Variants in TBC1D22A observed in about 807,000 individuals in gnomAD.
TBC1D22A encodes the protein putative GTPase activator.
In TBC1D22A, 38 loss-of-function variants were observed where a neutral mutation model predicts 60.2. That is an observed-to-expected ratio of 0.63 (90% CI 0.49 to 0.83). The LOEUF (loss-of-function observed/expected upper bound fraction) is 0.83. TBC1D22A is among the 40% of genes least tolerant of loss of function. TBC1D22A has a pLI of 0.00. For missense variants in TBC1D22A, 628 were observed against 701.0 expected, an observed-to-expected ratio of 0.90 and a Z score of 1.18; for synonymous variants, 302 against 281.7, an observed-to-expected ratio of 1.07 and a Z score of -0.72.
At chr22:47,102,510 A>G (rs1253284693) in intron 11 of TBC1D22A, among the ~76,000 whole-genome samples, 2 of 152,138 alleles carry the variant, frequency 1.3e-5, no homozygotes, top group Non-Finnish European at 2.9e-5. Context: ...TATTGTCTGG[A>G]TTATGCCTCA....
intron 8 of TBC1D22A, among the ~76,000 whole-genome samples, chr22:46,917,274 A>G (rs936375043): frequency 6.6e-6 from 1 of 152,142 alleles, no homozygotes; most frequent in African/African-American, 2.4e-5. Context: ...GGCATCTTAG[A>G]GTTTGTAACA....
intron 10 of TBC1D22A, among the ~76,000 whole-genome samples, chr22:47,026,867 A>AT (rs2062274808): frequency 1.3e-5 from 2 of 152,250 alleles, no homozygotes; most frequent in Non-Finnish European, 1.5e-5. Context: ...ATGCTTTTCT[A>AT]TAGAAATTGA....
At chr22:46,811,676 C>T (rs1295506502) in intron 4 of TBC1D22A, among the ~76,000 whole-genome samples, 9 of 152,168 alleles carry the variant, frequency 5.9e-5, no homozygotes, top group Non-Finnish European at 2.9e-5. Context: ...GGCTCAGGGT[C>T]GCCCAGCTAG....
At chr22:47,042,770 C>T (rs2062893554) in intron 11 of TBC1D22A, among the ~76,000 whole-genome samples, 1 of 152,272 alleles carries the variant, frequency 6.6e-6, no homozygotes, top group Admixed American at 6.5e-5. Context: ...TAGCTTTGAT[C>T]AAGAAGCAGC....
intron 11 of TBC1D22A, among the ~76,000 whole-genome samples, chr22:47,102,988 T>C (rs772338192): frequency 5.0e-4 from 76 of 152,250 alleles, no homozygotes; most frequent in Admixed American, 1.4e-3. Flanking sequence ...GGTTTTTGTT[T>C]GTTCAGGTCA....
intron 11 of TBC1D22A, among the ~76,000 whole-genome samples, chr22:47,097,095 C>T (rs1427695982): frequency 4.6e-5 from 7 of 152,014 alleles, no homozygotes; most frequent in African/African-American, 1.7e-4. Flanking sequence ...TGAGTATGGG[C>T]GTGGCCCCGT....
In TBC1D22A at chr22:46,772,100, T is replaced by C. The variant is rs9680568; in HGVS notation, c.62+9252T>C. Reference sequence around the variant, plus strand: ...ATATACATATATATGTATACACACATATACATATATATGTATACACACATA... The same window carrying C: ...ATATACATATATATGTATACACACACATACATATATATGTATACACACATA... On this transcript the variant is annotated intron_variant, in intron 1 of 12. Coordinates refer to ENST00000337137, the MANE Select transcript of TBC1D22A (RefSeq NM_014346.5). 6.0e-3 allele frequency among the ~76,000 whole-genome samples: 771 copies of C among 127,646 alleles called. 10 individuals are homozygous for C. The highest frequency in any genetic ancestry group is 0.023 in the African/African-American group (720 of 31,330). 83.7% of individuals were successfully genotyped at this position (127,646 alleles called of 152,430 possible). A position where few individuals can be genotyped will look rare whatever the true frequency, so the allele number is the denominator to read the frequency against.
chr22:47,051,759 T>C (rs2063227041), intron 11 of TBC1D22A, among the ~76,000 whole-genome samples: 1 of 152,172 alleles, frequency 6.6e-6, no homozygotes, highest in Admixed American at 6.5e-5. Flanking sequence ...CCCTCCCTCC[T>C]CCTTTCCTTC....
intron 11 of TBC1D22A, among the ~76,000 whole-genome samples, chr22:47,087,573 A>G (rs142346049): frequency 1.3e-5 from 2 of 152,336 alleles, no homozygotes; most frequent in Middle Eastern, 3.4e-3. Context: ...CAAACTTCAG[A>G]TTGTTGGTAA....
At chr22:46,959,817 C>T (rs545580208) in intron 8 of TBC1D22A, among the ~76,000 whole-genome samples, 1 of 152,202 alleles carries the variant, frequency 6.6e-6, no homozygotes, top group East Asian at 1.9e-4. Context: ...TTTCCAGACT[C>T]CACGTTTTCT....
chr22:46,923,757 T>A (rs1023811277), intron 8 of TBC1D22A, among the ~76,000 whole-genome samples: 45 of 152,400 alleles, frequency 3.0e-4, no homozygotes, highest in African/African-American at 9.6e-4. Context: ...GCATATTATC[T>A]ATAACATTTT....
intron 12 of TBC1D22A, among the ~76,000 whole-genome samples, chr22:47,153,604 C>T (rs1569475277): frequency 6.6e-6 from 1 of 151,976 alleles, no homozygotes; most frequent in Non-Finnish European, 1.5e-5. Flanking sequence ...GAGCTGTGGC[C>T]GTCGTGCAAG....
At chr22:46,800,696 C>T (rs1392072321) in intron 4 of TBC1D22A, among the ~76,000 whole-genome samples, 1 of 152,202 alleles carries the variant, frequency 6.6e-6, no homozygotes, top group African/African-American at 2.4e-5. Context: ...AACAGAGTGC[C>T]TAGCACATAC....
chr22:47,103,123 T>G (rs993168132), intron 11 of TBC1D22A, among the ~76,000 whole-genome samples: 1 of 152,194 alleles, frequency 6.6e-6, no homozygotes, highest in African/African-American at 2.4e-5. Flanking sequence ...GCACCCAGCC[T>G]GTCCCTTTCC....
intron 4 of TBC1D22A, among the ~76,000 whole-genome samples, chr22:46,873,726 G>A (rs1051001237): frequency 5.9e-5 from 9 of 151,720 alleles, no homozygotes; most frequent in Non-Finnish European, 7.4e-5. Flanking sequence ...CTGTTCCCGC[G>A]TTAGTTTGGT....
chr22:46,947,342 G>C (rs1469259001), intron 8 of TBC1D22A, among the ~76,000 whole-genome samples: 2 of 152,142 alleles, frequency 1.3e-5, no homozygotes, highest in African/African-American at 4.8e-5. Context: ...GGTCATCCGA[G>C]TAGAGCCATT....
intron 8 of TBC1D22A, among the ~76,000 whole-genome samples, chr22:46,964,934 T>G (rs980747758): frequency 2.6e-5 from 4 of 152,222 alleles, no homozygotes; most frequent in Admixed American, 2.6e-4. Context: ...CGCCCGTTCT[T>G]GCTCTGAGCG....
intron 1 of TBC1D22A, among the ~76,000 whole-genome samples, chr22:46,770,284 T>C (rs2083440245): frequency 6.6e-6 from 1 of 152,168 alleles, no homozygotes; most frequent in African/African-American, 2.4e-5. Flanking sequence ...TGCTCCTGCA[T>C]CCGCCAGGAG....
intron 8 of TBC1D22A, among the ~76,000 whole-genome samples, chr22:46,963,174 A>C (rs542661603): frequency 2.0e-5 from 3 of 151,246 alleles, no homozygotes; most frequent in African/African-American, 7.3e-5. Context: ...TGAGCCAAGA[A>C]GGAGCGCCAC....
Sources: allele counts gnomAD v4.1 joint callset (sites outside exome capture counted in the v4.1 genomes callset), GRCh38; gene constraint gnomAD v4.1.1; transcripts MANE v1.5; gene names NCBI Gene and HGNC (gene_info 2026-07-23, HGNC 2026-07-21).